Variants in SLC38A1 observed in about 807,000 individuals in gnomAD.
SLC38A1 encodes the protein solute carrier family 38 member 1.
In SLC38A1, 18 loss-of-function variants were observed where a neutral mutation model predicts 60.3. The observed-to-expected ratio is 0.30, with a 90% CI of 0.21 to 0.44. SLC38A1 has a LOEUF of 0.44. SLC38A1 is among the 20% of genes least tolerant of loss of function. SLC38A1 has a pLI of 1.00. For missense variants in SLC38A1, 448 were observed against 587.2 expected, an observed-to-expected ratio of 0.76 and a Z score of 2.45; for synonymous variants, 196 against 212.1, an observed-to-expected ratio of 0.92 and a Z score of 0.66.
chr12:46,201,681 G>C (rs1306656663), intron 12 of SLC38A1, among the ~76,000 whole-genome samples: 1 of 151,902 alleles, frequency 6.6e-6, no homozygotes, highest in Non-Finnish European at 1.5e-5. Context: ...TAGGTCTCCA[G>C]CGCAGCAAGT....
At chr12:46,208,426 A>T (rs1032450259) in intron 6 of SLC38A1, among the ~76,000 whole-genome samples, 1 of 152,220 alleles carries the variant, frequency 6.6e-6, no homozygotes, top group Non-Finnish European at 1.5e-5. Flanking sequence ...TAAACTAGAC[A>T]ATGGTTAGCT....
chr12:46,227,956 C>A (rs1940929309), intron 5 of SLC38A1, among the ~76,000 whole-genome samples: 1 of 152,106 alleles, frequency 6.6e-6, no homozygotes, highest in South Asian at 2.1e-4. Flanking sequence ...CAGAATTTCA[C>A]ATATACTCAA....
intron 5 of SLC38A1, among the ~76,000 whole-genome samples, chr12:46,213,333 C>G: frequency 6.6e-6 from 1 of 152,072 alleles, no homozygotes; most frequent in East Asian, 1.9e-4. Flanking sequence ...CTTTTTTTGT[C>G]TGTTTCTGAA....
rs373216951 is a variant in SLC38A1, at chr12:46,239,793, T to C, written c.8A>G (p.His3Arg). The C allele has an allele frequency of 6.2e-7, 1 of 1,612,768 alleles. No homozygotes were observed. Among genetic ancestry groups the C allele is most frequent in the Non-Finnish European group, 8.5e-7 (1 of 1,179,960 alleles). MM[H>R]FKSGLELTEL... ...AGTTAATTCGAGTCCACTTTTGAAA[T>C]GCATCATGATTAGAAAGTGTCTGTA... The change falls in exon 3 of 17, where the codon CAT becomes CGT. Residue 3 changes from histidine to arginine, a missense_variant. Around this residue, in one of 2 missense-constraint regions of SLC38A1, gnomAD observed 102 missense variants for 89.7 expected, o/e 1.14. Transcript: ENST00000398637.
chr12:46,189,639 A>C (rs931493377), intron 16 of SLC38A1, among the ~76,000 whole-genome samples: 1 of 152,142 alleles, frequency 6.6e-6, no homozygotes, highest in African/African-American at 2.4e-5. Context: ...TCCCTACCCA[A>C]ATCTCATCTT....
chr12:46,231,720 A>G (rs888665630), intron 3 of SLC38A1, among the ~76,000 whole-genome samples: 1 of 152,150 alleles, frequency 6.6e-6, no homozygotes, highest in African/African-American at 2.4e-5. Context: ...CAGTTGTACA[A>G]TCTCCACTTC....
chr12:46,231,048 A>T (rs981960127), intron 3 of SLC38A1, among the ~76,000 whole-genome samples: 12 of 152,332 alleles, frequency 7.9e-5, no homozygotes, highest in African/African-American at 2.9e-4. Flanking sequence ...GAATCAACCT[A>T]AGTGTCCATC....
At chr12:46,210,841 C>A (rs1940132110) in intron 5 of SLC38A1, among the ~76,000 whole-genome samples, 2 of 152,114 alleles carry the variant, frequency 1.3e-5, no homozygotes, top group South Asian at 4.1e-4. Flanking sequence ...ACCTCTTTTT[C>A]TTTATAAATT....
chr12:46,207,826 A>T (rs918099375), intron 6 of SLC38A1, among the ~76,000 whole-genome samples: 1 of 152,184 alleles, frequency 6.6e-6, no homozygotes, highest in African/African-American at 2.4e-5. Flanking sequence ...AGATGCAACC[A>T]TCATTTCTCC....
At position 46,204,316 on chromosome 12, in the gene SLC38A1, A is replaced by G; in HGVS notation, c.807T>C (p.Val269=). ...GGAAACTTACCTTTGAATTGAAGGT[A>G]ACATATTTTGGCGTACACGTGTCAG... ...TNADTCTPKY[V]TFNSKTVYAL... The change falls in exon 11 of 17, where the codon GTT becomes GTC. Residue 269 remains valine, a synonymous_variant. Transcript: ENST00000398637. 3 of 1,605,580 alleles carry G rather than the reference A, an allele frequency of 1.9e-6. No homozygotes were observed. Among genetic ancestry groups the G allele is most frequent in the Non-Finnish European group, 2.6e-6 (3 of 1,172,322 alleles).
At chr12:46,255,787 G>C (rs1348497807) in intron 1 of SLC38A1, among the ~76,000 whole-genome samples, 1 of 152,128 alleles carries the variant, frequency 6.6e-6, no homozygotes, top group Non-Finnish European at 1.5e-5. Context: ...ATAGCTACGG[G>C]GTGTGGCTAA....
At chr12:46,248,523 T>G (rs574744742) in intron 1 of SLC38A1, among the ~76,000 whole-genome samples, 31 of 152,204 alleles carry the variant, frequency 2.0e-4, no homozygotes, top group African/African-American at 7.5e-4. Flanking sequence ...GCACCCAGAC[T>G]CATAAAGCAA....
At chr12:46,233,225 G>A (rs950980877) in intron 3 of SLC38A1, among the ~76,000 whole-genome samples, 2 of 151,958 alleles carry the variant, frequency 1.3e-5, no homozygotes, top group Non-Finnish European at 2.9e-5. Flanking sequence ...GTCTTGCTAT[G>A]TTGCCCACGC....
intron 3 of SLC38A1, among the ~76,000 whole-genome samples, chr12:46,234,446 C>CTTTTT (rs397791217): frequency 8.2e-4 from 115 of 140,690 alleles, no homozygotes; most frequent in African/African-American, 1.1e-3. Flanking sequence ...TTCTTTCTTT[C>CTTTTT]TTTTTTTTTT....
In SLC38A1 at chr12:46,183,139, T is replaced by C. The variant is rs1938822915; in HGVS notation, c.*5831A>G. 6.6e-6 allele frequency: 1 copy of C among 152,494 alleles called. No homozygotes were observed. The highest frequency in any genetic ancestry group is 2.1e-4 in the South Asian group (1 of 4,832). 9.4% of individuals were successfully genotyped at this position (152,494 alleles called of 1,614,324 possible). A position where few individuals can be genotyped will look rare whatever the true frequency, so the allele number is the denominator to read the frequency against. The stretch of plus-strand genomic sequence containing the variant: ...TATAGAACAGAACTTCTTATATTTC[T>C]TTATTTACACCACACTCTGAAAAAA... On this transcript the variant is annotated 3_prime_UTR_variant, in exon 17 of 17. Transcript: ENST00000398637.
At chr12:46,250,712 A>G (rs1036026784) in intron 1 of SLC38A1, among the ~76,000 whole-genome samples, 2 of 152,228 alleles carry the variant, frequency 1.3e-5, no homozygotes, top group Non-Finnish European at 2.9e-5. Context: ...ACAAACAGAG[A>G]GCCAAATCAT....
At position 46,259,976 on chromosome 12, in the gene SLC38A1, G is replaced by T. The variant is rs148896667; in HGVS notation, c.-209+8550C>A. ...TCTGGCTCCACCACTTAGAAGCTGT[G>T]TAGCCCCAGGAAAGAAGGTTAACTT... On this transcript the variant is annotated intron_variant, in intron 1 of 16. Transcript: ENST00000398637. Among the ~76,000 whole-genome samples the T allele has an allele frequency of 3.0e-3, 457 of 152,246 alleles. 3 individuals carry two copies. Among genetic ancestry groups the T allele is most frequent in the African/African-American group, 0.011 (437 of 41,540 alleles).
chr12:46,214,897 T>G (rs1413370097), intron 5 of SLC38A1, among the ~76,000 whole-genome samples: 4 of 152,134 alleles, frequency 2.6e-5, no homozygotes, highest in African/African-American at 7.2e-5. Flanking sequence ...TGCAGCTGAG[T>G]GCTTTCAACT....
At chr12:46,198,278 G>T (rs1259119493) in intron 14 of SLC38A1, among the ~76,000 whole-genome samples, 1 of 151,754 alleles carries the variant, frequency 6.6e-6, no homozygotes, top group Admixed American at 6.6e-5. Context: ...CTTGTTGGGG[G>T]GTGTAATTTC....
Sources: allele counts gnomAD v4.1 joint callset (sites outside exome capture counted in the v4.1 genomes callset), GRCh38; gene constraint gnomAD v4.1.1; regional missense constraint gnomAD v4.1.1; transcripts MANE v1.5; gene names NCBI Gene and HGNC (gene_info 2026-07-23, HGNC 2026-07-21).